The following UNC13C variants were observed in gnomAD, a reference collection of about 807,000 sequenced individuals.
UNC13C encodes unc-13 homolog C.
A neutral mutation model predicts 245.4 loss-of-function variants in UNC13C; 174 were observed. That is an observed-to-expected ratio of 0.71 (90% CI 0.63 to 0.80). UNC13C has a LOEUF of 0.80. Ranked by LOEUF, UNC13C falls within the 30% of genes least tolerant of loss-of-function variation. UNC13C has a pLI of 0.00. For synonymous variants in UNC13C, 992 were observed against 895.1 expected, an observed-to-expected ratio of 1.11 and a Z score of -1.93; for missense variants, 2,829 against 2,602.9, an observed-to-expected ratio of 1.09 and a Z score of -1.89.
At chr15:54,590,735 C>T (rs965872998) in intron 30 of UNC13C, among the ~76,000 whole-genome samples, 1 of 152,154 alleles carries the variant, frequency 6.6e-6, no homozygotes, top group Non-Finnish European at 1.5e-5. Flanking sequence ...ATATCATCAG[C>T]AAACAAGGAC....
intron 2 of UNC13C, among the ~76,000 whole-genome samples, chr15:54,105,576 C>T (rs1900401195): frequency 6.6e-6 from 1 of 152,100 alleles, no homozygotes; most frequent in African/African-American, 2.4e-5. Context: ...TCACATGTTG[C>T]ATTTTAAGGT....
At chr15:53,950,427 A>G in the UNC13C span, among the ~76,000 whole-genome samples, 7 of 147,946 alleles carry the variant, frequency 4.7e-5, no homozygotes, top group African/African-American at 1.7e-4. Flanking sequence ...TAAAATAAAG[A>G]TTTTTTTTTT....
At chr15:53,926,931 G>T in the UNC13C span, among the ~76,000 whole-genome samples, 2 of 152,260 alleles carry the variant, frequency 1.3e-5, no homozygotes, top group South Asian at 4.1e-4. Context: ...CAGGTAAGCA[G>T]GTGCTGGATT....
intron 4 of UNC13C, among the ~76,000 whole-genome samples, chr15:54,169,902 A>C (rs752306534): frequency 3.2e-4 from 49 of 151,964 alleles, no homozygotes; most frequent in Non-Finnish European, 5.9e-4. Flanking sequence ...GCAGTTTATG[A>C]ATCTATCTTT....
chr15:54,145,057 G>A (rs1296023591), intron 4 of UNC13C, among the ~76,000 whole-genome samples: 3 of 151,816 alleles, frequency 2.0e-5, no homozygotes, highest in Non-Finnish European at 4.4e-5. Context: ...CTCCCAAAGT[G>A]CTGGAATTAC....
chr15:54,386,088 A>G (rs1374378506), intron 17 of UNC13C, among the ~76,000 whole-genome samples: 1 of 152,182 alleles, frequency 6.6e-6, no homozygotes, highest in Non-Finnish European at 1.5e-5. Context: ...CCATATTATT[A>G]ATGTGAGGTG....
intron 4 of UNC13C, among the ~76,000 whole-genome samples, chr15:54,212,422 A>G (rs1323842301): frequency 6.6e-6 from 1 of 152,124 alleles, no homozygotes; most frequent in Non-Finnish European, 1.5e-5. Context: ...AGAATCATAT[A>G]CAGTCACTGG....
At chr15:54,582,134 G>A (rs1165953109) in intron 30 of UNC13C, among the ~76,000 whole-genome samples, 1 of 152,116 alleles carries the variant, frequency 6.6e-6, no homozygotes, top group Non-Finnish European at 1.5e-5. Context: ...TTGGAAAACA[G>A]TTTCATAGTT....
intron 19 of UNC13C, among the ~76,000 whole-genome samples, chr15:54,429,815 A>C (rs2040835326): frequency 6.6e-6 from 1 of 151,672 alleles, no homozygotes. Flanking sequence ...AAGGAGAACT[A>C]TGTCAATCAC....
intron 4 of UNC13C, among the ~76,000 whole-genome samples, chr15:54,151,628 T>C (rs1410773847): frequency 1.3e-5 from 2 of 152,160 alleles, no homozygotes; most frequent in African/African-American, 4.8e-5. Flanking sequence ...GGTTTTGAAC[T>C]CCTGAGCTCA....
At chr15:54,449,376 A>G (rs772296413) in intron 19 of UNC13C, among the ~76,000 whole-genome samples, 1 of 152,174 alleles carries the variant, frequency 6.6e-6, no homozygotes, top group Non-Finnish European at 1.5e-5. Flanking sequence ...GTGTTTTCCA[A>G]CTTGGTTCCA....
chr15:54,583,006 T>C (rs1314393146), intron 30 of UNC13C, among the ~76,000 whole-genome samples: 1 of 152,158 alleles, frequency 6.6e-6, no homozygotes, highest in African/African-American at 2.4e-5. Flanking sequence ...TGACCACAGA[T>C]TGCTCGGTTA....
At chr15:53,937,380 C>T in the UNC13C span, among the ~76,000 whole-genome samples, 3 of 152,056 alleles carry the variant, frequency 2.0e-5, no homozygotes, top group Admixed American at 6.5e-5. Flanking sequence ...AAATATGGGA[C>T]TATGTAAAAA....
chr15:54,182,565 G>C (rs1193315782), intron 4 of UNC13C, among the ~76,000 whole-genome samples: 5 of 151,938 alleles, frequency 3.3e-5, no homozygotes, highest in Non-Finnish European at 1.5e-5. Flanking sequence ...CAGTTTTTTG[G>C]AATAGTTTCA....
At chr15:53,975,490 C>G (rs1208914337), upstream of UNC13C, among the ~76,000 whole-genome samples, 1 of 152,134 alleles carries the variant, frequency 6.6e-6, no homozygotes, top group African/African-American at 2.4e-5. Flanking sequence ...TACCAATTCC[C>G]TAAAATAAAG....
At chr15:54,036,274 G>A (rs1324432499) in intron 2 of UNC13C, among the ~76,000 whole-genome samples, 1 of 152,184 alleles carries the variant, frequency 6.6e-6, no homozygotes, top group Non-Finnish European at 1.5e-5. Flanking sequence ...AACTTGAGGT[G>A]CGACTGACAC....
the UNC13C span, among the ~76,000 whole-genome samples, chr15:53,922,209 T>A: frequency 6.6e-6 from 1 of 152,214 alleles, no homozygotes; most frequent in South Asian, 2.1e-4. Context: ...GCTAAGTGAC[T>A]GTTGGAAAGT....
intron 30 of UNC13C, among the ~76,000 whole-genome samples, chr15:54,614,322 A>G (rs1472574005): frequency 4.6e-5 from 7 of 152,000 alleles, no homozygotes; most frequent in Admixed American, 2.6e-4. Context: ...AAGGGTTGTC[A>G]TGAGCATCTC....
chr15:54,312,507 G>T (rs559640618), intron 13 of UNC13C, among the ~76,000 whole-genome samples: 2 of 151,806 alleles, frequency 1.3e-5, no homozygotes, highest in South Asian at 2.1e-4. Flanking sequence ...ATTTTGTCTT[G>T]CTAAAAGCAG....
Sources: allele counts gnomAD v4.1 joint callset (sites outside exome capture counted in the v4.1 genomes callset), GRCh38; gene constraint gnomAD v4.1.1; transcripts MANE v1.5; gene names NCBI Gene and HGNC (gene_info 2026-07-23, HGNC 2026-07-21).